Variants in RCOR1 observed in about 807,000 individuals in gnomAD.
RCOR1 encodes the protein REST corepressor 1.
RCOR1 carries 12 observed loss-of-function variants against 64.0 expected under a neutral mutation model. The ratio of observed to expected loss-of-function variants is 0.19; its 90% CI spans 0.12 to 0.30. The LOEUF (loss-of-function observed/expected upper bound fraction) is 0.30. Among genes scored for constraint, RCOR1 ranks in the 10% least tolerant of loss-of-function variants. RCOR1 has a pLI of 1.00. For synonymous variants in RCOR1, 279 were observed against 227.2 expected (o/e 1.23, Z -2.05); for missense variants, 502 against 621.2 (o/e 0.81, Z 2.04).
intron 2 of RCOR1, among the ~76,000 whole-genome samples, chr14:102,621,912 A>C (rs767404458): frequency 1.3e-5 from 2 of 152,084 alleles, no homozygotes; most frequent in African/African-American, 4.8e-5. Context: ...AGATTGTACC[A>C]ATTTAGCTGG....
intron 4 of RCOR1, among the ~76,000 whole-genome samples, chr14:102,701,846 G>A (rs1168099595): frequency 6.6e-6 from 1 of 152,144 alleles, no homozygotes; most frequent in African/African-American, 2.4e-5. Flanking sequence ...TCGTGCCTCG[G>A]CCTCTCAAGT....
intron 2 of RCOR1, chr14:102,655,990 T>TACACACACAC (rs1555464404): frequency 4.6e-6 from 3 of 657,918 alleles, no homozygotes; most frequent in Non-Finnish European, 5.4e-6. Flanking sequence ...CACACACACG[T>TACACACACAC]GAAATAAACC....
intron 2 of RCOR1, among the ~76,000 whole-genome samples, chr14:102,646,098 G>A (rs892526499): frequency 2.6e-5 from 4 of 152,124 alleles, no homozygotes; most frequent in African/African-American, 9.7e-5. Flanking sequence ...ATATCTTAGT[G>A]TCAGTTGGCC....
intron 4 of RCOR1, among the ~76,000 whole-genome samples, chr14:102,704,512 A>G (rs989054795): frequency 6.6e-6 from 1 of 151,794 alleles, no homozygotes; most frequent in African/African-American, 2.4e-5. Context: ...GCTCACTACA[A>G]CCTCCGCCTC....
chr14:102,676,882 G>A (rs1376813165), intron 2 of RCOR1, among the ~76,000 whole-genome samples: 1 of 106,798 alleles, frequency 9.4e-6, no homozygotes, highest in Non-Finnish European at 1.9e-5. Flanking sequence ...CCTCCTGGAC[G>A]GGGCGGCTGG....
chr14:102,694,566 C>T (rs1351539420), intron 3 of RCOR1, among the ~76,000 whole-genome samples: 2 of 152,168 alleles, frequency 1.3e-5, no homozygotes, highest in African/African-American at 2.4e-5. Context: ...TGAGCCATTG[C>T]GCCCGGCCAA....
intron 2 of RCOR1, among the ~76,000 whole-genome samples, chr14:102,677,762 G>A (rs1895217341): frequency 3.4e-5 from 5 of 146,574 alleles, no homozygotes; most frequent in Non-Finnish European, 7.6e-5. Context: ...GACGATGGGG[G>A]GCCAGGCAGA....
intron 7 of RCOR1, among the ~76,000 whole-genome samples, chr14:102,712,496 C>T (rs1055569750): frequency 6.6e-6 from 1 of 151,960 alleles, no homozygotes; most frequent in Non-Finnish European, 1.5e-5. Flanking sequence ...GTTACCTTAT[C>T]CTATGTGGAT....
chr14:102,688,734 TC>T, intron 3 of RCOR1, among the ~76,000 whole-genome samples: 1 of 152,180 alleles, frequency 6.6e-6, no homozygotes, highest in Non-Finnish European at 1.5e-5. Flanking sequence ...GGTGCACTGT[TC>T]CATCATTTAC....
At chr14:102,606,794 C>G (rs1318622652) in intron 2 of RCOR1, among the ~76,000 whole-genome samples, 2 of 151,294 alleles carry the variant, frequency 1.3e-5, no homozygotes, top group African/African-American at 4.9e-5. Flanking sequence ...AGGCACTGCA[C>G]CTGGCTGTTA....
At chr14:102,676,240 G>A (rs1272521908) in intron 2 of RCOR1, among the ~76,000 whole-genome samples, 11 of 150,442 alleles carry the variant, frequency 7.3e-5, no homozygotes, top group Non-Finnish European at 1.3e-4. Context: ...CCTCCCAGAC[G>A]GGGTCGTGGC....
chr14:102,720,307 A>T (rs1478740261), intron 8 of RCOR1, among the ~76,000 whole-genome samples: 1 of 152,198 alleles, frequency 6.6e-6, no homozygotes, highest in Middle Eastern at 3.2e-3. Context: ...TGGGAAAATT[A>T]AGGAGCAGCC....
chr14:102,653,374 G>T (rs112091607), intron 2 of RCOR1, among the ~76,000 whole-genome samples: 3,565 of 152,130 alleles, frequency 0.023, 133 homozygotes, highest in African/African-American at 0.077. Flanking sequence ...ACTCGCTACC[G>T]TGCCCAGCTA....
At chr14:102,631,793 CTTTCTTTTT>C (rs939845912) in intron 2 of RCOR1, among the ~76,000 whole-genome samples, 4 of 152,060 alleles carry the variant, frequency 2.6e-5, no homozygotes, top group African/African-American at 7.2e-5. Flanking sequence ...CTTTACTTTT[CTTTCTTTTT>C]TTTCTTTTCT....
At chr14:102,605,010 G>A (rs1893474733) in intron 2 of RCOR1, among the ~76,000 whole-genome samples, 1 of 141,646 alleles carries the variant, frequency 7.1e-6, no homozygotes, top group Admixed American at 7.6e-5. Flanking sequence ...TGGAGCTACA[G>A]TGAGCCGAGA....
intron 2 of RCOR1, chr14:102,630,209 C>T (rs960174071): frequency 1.0e-4 from 16 of 154,424 alleles, no homozygotes; most frequent in Admixed American, 3.9e-4. Flanking sequence ...TTAGTTCCTA[C>T]AAGAGCTGGT....
chr14:102,652,213 G>C (rs1455244628), intron 2 of RCOR1, among the ~76,000 whole-genome samples: 2 of 152,150 alleles, frequency 1.3e-5, no homozygotes, highest in Non-Finnish European at 2.9e-5. Context: ...AGAAGGAACT[G>C]TTTCCTCCAT....
At chr14:102,624,333 A>C (rs1026033994) in intron 2 of RCOR1, among the ~76,000 whole-genome samples, 4 of 149,750 alleles carry the variant, frequency 2.7e-5, no homozygotes, top group Admixed American at 2.0e-4. Flanking sequence ...GTGAAACCCT[A>C]CCTCTACAAA....
intron 2 of RCOR1, among the ~76,000 whole-genome samples, chr14:102,594,269 C>T (rs20485): frequency 0.13 from 19,214 of 152,198 alleles, 1,460 homozygotes; most frequent in African/African-American, 0.21. Flanking sequence ...AAAAGAGCAT[C>T]TTGTAAAGCT....
Sources: allele counts gnomAD v4.1 joint callset (sites outside exome capture counted in the v4.1 genomes callset), GRCh38; gene constraint gnomAD v4.1.1; transcripts MANE v1.5; gene names NCBI Gene and HGNC (gene_info 2026-07-23, HGNC 2026-07-21).